FAT3: variants seen among roughly 807,000 people sequenced by gnomAD.
FAT3 encodes FAT atypical cadherin 3.
A neutral mutation model predicts 310.2 loss-of-function variants in FAT3; 95 were observed. That is an observed-to-expected ratio of 0.31 (90% CI 0.26 to 0.36). FAT3 has a LOEUF of 0.36. Ranked by LOEUF, FAT3 falls within the 10% of genes least tolerant of loss-of-function variation. FAT3 has a pLI of 1.00. For synonymous variants in FAT3, 2,314 were observed against 2,192.9 expected, an observed-to-expected ratio of 1.06 and a Z score of -1.54; for missense variants, 5,408 against 5,715.6, an observed-to-expected ratio of 0.95 and a Z score of 1.74.
At chr11:92,706,329 G>T (rs561832601) in intron 4 of FAT3, among the ~76,000 whole-genome samples, 1 of 152,190 alleles carries the variant, frequency 6.6e-6, no homozygotes, top group African/African-American at 2.4e-5. Context: ...AATTCTCAGA[G>T]CTAGTACATT....
chr11:92,664,358 T>C (rs889682127), intron 3 of FAT3, among the ~76,000 whole-genome samples: 1 of 152,190 alleles, frequency 6.6e-6, no homozygotes, highest in Admixed American at 6.5e-5. Context: ...GTCTCATTGA[T>C]CTTAGTTCTT....
At chr11:92,257,227 T>C (rs1257335623) in intron 1 of FAT3, among the ~76,000 whole-genome samples, 2 of 152,200 alleles carry the variant, frequency 1.3e-5, no homozygotes, top group East Asian at 3.9e-4. Context: ...TCTTTTCCAT[T>C]TGTACCTAGG....
chr11:92,649,536 G>A (rs898344023), intron 3 of FAT3, among the ~76,000 whole-genome samples: 1 of 152,036 alleles, frequency 6.6e-6, no homozygotes, highest in African/African-American at 2.4e-5. Context: ...TGTTGCCAGT[G>A]GGTCCCTGCT....
At chr11:92,784,002 C>T (rs1946824414) in intron 7 of FAT3, among the ~76,000 whole-genome samples, 1 of 152,138 alleles carries the variant, frequency 6.6e-6, no homozygotes, top group South Asian at 2.1e-4. Context: ...TATCTGTACA[C>T]ATTGTATGTA....
At chr11:92,234,518 G>A (rs1034839753) in intron 1 of FAT3, among the ~76,000 whole-genome samples, 1 of 152,200 alleles carries the variant, frequency 6.6e-6, no homozygotes, top group Non-Finnish European at 1.5e-5. Context: ...TGTAATCCCA[G>A]CACTTTGGGA....
intron 4 of FAT3, among the ~76,000 whole-genome samples, chr11:92,739,183 A>G (rs1375688975): frequency 6.6e-6 from 1 of 152,190 alleles, no homozygotes; most frequent in Non-Finnish European, 1.5e-5. Flanking sequence ...GACTCTGATT[A>G]TCTGATTTCA....
chr11:92,311,073 T>C (rs984742158), intron 1 of FAT3, among the ~76,000 whole-genome samples: 1 of 151,796 alleles, frequency 6.6e-6, no homozygotes, highest in African/African-American at 2.4e-5. Flanking sequence ...TGTGTACATA[T>C]ACACACACAC....
At chr11:92,878,591 A>G (rs1393048273) in intron 22 of FAT3, among the ~76,000 whole-genome samples, 3 of 147,418 alleles carry the variant, frequency 2.0e-5, no homozygotes, top group Non-Finnish European at 4.5e-5. Context: ...GACAGATAAG[A>G]GAAGATACTA....
intron 3 of FAT3, among the ~76,000 whole-genome samples, chr11:92,680,532 T>C (rs1943451829): frequency 6.6e-6 from 1 of 152,236 alleles, no homozygotes; most frequent in African/African-American, 2.4e-5. Context: ...AATTTGAAGT[T>C]AGACAATATG....
chr11:92,810,630 C>T (rs897030964), intron 13 of FAT3, among the ~76,000 whole-genome samples: 1 of 152,046 alleles, frequency 6.6e-6, no homozygotes, highest in Admixed American at 6.6e-5. Flanking sequence ...CACATATAAA[C>T]TGACATTGTT....
At chr11:92,763,273 C>T (rs1433217293) in intron 5 of FAT3, among the ~76,000 whole-genome samples, 1 of 152,126 alleles carries the variant, frequency 6.6e-6, no homozygotes, top group Non-Finnish European at 1.5e-5. Context: ...TCCTTTCTCT[C>T]CTGTGGTCTA....
chr11:92,772,393 T>G (rs572858613), intron 6 of FAT3, among the ~76,000 whole-genome samples: 68 of 152,170 alleles, frequency 4.5e-4, no homozygotes, highest in African/African-American at 1.5e-3. Flanking sequence ...TGAAGATGGT[T>G]TTTCAAGACA....
chr11:92,733,372 T>C (rs1945244527), intron 4 of FAT3, among the ~76,000 whole-genome samples: 1 of 152,072 alleles, frequency 6.6e-6, no homozygotes, highest in Non-Finnish European at 1.5e-5. Flanking sequence ...GAGGCAAGAC[T>C]GTGATAGAAT....
intron 7 of FAT3, among the ~76,000 whole-genome samples, chr11:92,783,141 C>T (rs774604663): frequency 3.0e-4 from 46 of 151,850 alleles, no homozygotes; most frequent in African/African-American, 9.6e-4. Context: ...GGGGAGATCA[C>T]GAGGTCAGGA....
At chr11:92,245,139 A>G (rs1415365540) in intron 1 of FAT3, among the ~76,000 whole-genome samples, 1 of 152,124 alleles carries the variant, frequency 6.6e-6, no homozygotes, top group Non-Finnish European at 1.5e-5. Context: ...GCACATATAC[A>G]CCATGGAATA....
At chr11:92,596,369 A>G (rs1939707996) in intron 3 of FAT3, among the ~76,000 whole-genome samples, 1 of 152,118 alleles carries the variant, frequency 6.6e-6, no homozygotes, top group Non-Finnish European at 1.5e-5. Context: ...AGTCAACACA[A>G]TTTTATGTTC....
intron 1 of FAT3, among the ~76,000 whole-genome samples, chr11:92,234,151 G>A (rs1864311518): frequency 6.6e-6 from 1 of 151,886 alleles, no homozygotes; most frequent in Non-Finnish European, 1.5e-5. Context: ...TTTCAACTAG[G>A]GAAAATACAC....
At chr11:92,452,967 T>A (rs1350026262) in intron 2 of FAT3, among the ~76,000 whole-genome samples, 1 of 151,888 alleles carries the variant, frequency 6.6e-6, no homozygotes, top group Non-Finnish European at 1.5e-5. Flanking sequence ...AGAGATGGGG[T>A]TTCACCATGT....
chr11:92,602,852 CA>C (rs1309934892), intron 3 of FAT3, among the ~76,000 whole-genome samples: 1 of 152,092 alleles, frequency 6.6e-6, no homozygotes, highest in Non-Finnish European at 1.5e-5. Flanking sequence ...GTCCTGTGAA[CA>C]AAGAATTTGG....
Sources: gnomAD v4.1 joint callset for allele counts (sites outside exome capture counted in the v4.1 genomes callset) on GRCh38, gnomAD v4.1.1 for gene constraint, MANE v1.5 for transcripts, NCBI Gene and HGNC (gene_info 2026-07-23, HGNC 2026-07-21) for gene names.